The following KHDRBS2 variants were observed in gnomAD, a reference collection of about 807,000 sequenced individuals.
KHDRBS2 encodes the protein KH RNA binding domain containing, signal transduction associated 2, also known as KH domain-containing, RNA-binding, signal transduction-associated protein 2.
Under a neutral mutation model 44.3 loss-of-function variants are expected in KHDRBS2, and 26 were observed. The ratio of observed to expected loss-of-function variants is 0.59; its 90% CI spans 0.43 to 0.81. KHDRBS2 has a LOEUF of 0.81. Among genes scored for constraint, KHDRBS2 ranks in the 40% least tolerant of loss-of-function variants. KHDRBS2 has a pLI of 0.00. For missense variants in KHDRBS2, 476 were observed against 433.1 expected, an observed-to-expected ratio of 1.10 and a Z score of -0.88; for synonymous variants, 194 against 151.1, an observed-to-expected ratio of 1.28 and a Z score of -2.08.
chr6:62,249,493 A>C (rs1836165596), intron 1 of KHDRBS2, among the ~76,000 whole-genome samples: 1 of 152,088 alleles, frequency 6.6e-6, no homozygotes, highest in Non-Finnish European at 1.5e-5. Flanking sequence ...ATAATTATAT[A>C]GTTAAAGCCT....
chr6:62,122,435 A>T lies in KHDRBS2; in HGVS notation c.219+54750T>A, dbSNP rs141082457. Among the ~76,000 whole-genome samples, 97 of 152,230 alleles carry T rather than the reference A, an allele frequency of 6.4e-4. 1 individual carries two copies. In the East Asian group the frequency reaches 0.018, roughly 28 times the overall value. On this transcript the variant is annotated intron_variant, in intron 2 of 8. Transcript: ENST00000281156. ...GTGCTTTCTGACCTATCTAACCATAAAGTTGGGCTTGTGCAGCAGCATTCC... is the reference window on the plus strand; with the variant it reads ...GTGCTTTCTGACCTATCTAACCATATAGTTGGGCTTGTGCAGCAGCATTCC...
intron 3 of KHDRBS2, among the ~76,000 whole-genome samples, chr6:62,044,151 A>G (rs1787156430): frequency 6.6e-6 from 1 of 151,970 alleles, no homozygotes; most frequent in Non-Finnish European, 1.5e-5. Context: ...CATACTTTGT[A>G]TGTCTTATGT....
chr6:62,174,786 G>A (rs990175233), intron 2 of KHDRBS2, among the ~76,000 whole-genome samples: 57 of 151,850 alleles, frequency 3.8e-4, no homozygotes, highest in African/African-American at 1.3e-3. Flanking sequence ...TATAAAAGAA[G>A]TCTTTCACCA....
At chr6:61,703,434 ATATC>A (rs1768999296) in intron 7 of KHDRBS2, among the ~76,000 whole-genome samples, 1 of 151,844 alleles carries the variant, frequency 6.6e-6, no homozygotes, top group Admixed American at 6.6e-5. Flanking sequence ...TGAGGGATAT[ATATC>A]TAACTATTTT....
Position 61,709,987 on chromosome 6 carries a change from T to A in KHDRBS2, c.894-12734A>T, listed in dbSNP as rs546362974. On this transcript the variant is annotated intron_variant, in intron 7 of 8. Transcript: ENST00000281156. ...GTGCAAGCTGCACTACAGCTGTGTG[T>A]TAATAGTGATTTATATTCTTCCTCA... 2.0e-5 allele frequency among the ~76,000 whole-genome samples: 3 copies of A among 151,814 alleles called. No homozygotes were observed. The South Asian group carries it at 6.2e-4, about 32-fold the overall frequency.
intron 6 of KHDRBS2, among the ~76,000 whole-genome samples, chr6:61,861,036 G>A (rs1464438290): frequency 6.6e-6 from 1 of 151,774 alleles, no homozygotes; most frequent in African/African-American, 2.4e-5. Flanking sequence ...CATATATTCA[G>A]GTCCTTTGCC....
the KHDRBS2 span, among the ~76,000 whole-genome samples, chr6:61,598,609 A>G: frequency 6.6e-6 from 1 of 152,202 alleles, no homozygotes; most frequent in African/African-American, 2.4e-5. Flanking sequence ...AATAGTCAAG[A>G]GTTATACAAA....
At chr6:62,074,338 C>T (rs1201263747) in intron 2 of KHDRBS2, among the ~76,000 whole-genome samples, 2 of 151,854 alleles carry the variant, frequency 1.3e-5, no homozygotes, top group African/African-American at 2.4e-5. Context: ...CAGCACCATT[C>T]CTGCATGTCT....
intron 4 of KHDRBS2, among the ~76,000 whole-genome samples, chr6:61,950,680 G>A (rs1764558211): frequency 6.6e-6 from 1 of 151,946 alleles, no homozygotes; most frequent in Admixed American, 6.6e-5. Flanking sequence ...ATAAAACGAG[G>A]TATCTCCTGA....
rs568492942 is a variant in KHDRBS2 at position 62,063,365 on chromosome 6, A to T, written c.220-15371T>A. On this transcript the variant is annotated intron_variant, in intron 2 of 8. Transcript: ENST00000281156. ...AGACCAATATCCTTGATGAACATTGATGCAAAAATCCTCAATAAAATACTG... is the reference window on the plus strand; with the variant it reads ...AGACCAATATCCTTGATGAACATTGTTGCAAAAATCCTCAATAAAATACTG... Among the ~76,000 whole-genome samples, 321 of 151,682 alleles carry T rather than the reference A, an allele frequency of 2.1e-3. 1 individual carries two copies. The highest frequency in any genetic ancestry group is 7.3e-3 in the African/African-American group (303 of 41,404).
At chr6:61,780,274 G>A (rs528434858) in intron 6 of KHDRBS2, among the ~76,000 whole-genome samples, 36 of 152,290 alleles carry the variant, frequency 2.4e-4, no homozygotes, top group African/African-American at 7.9e-4. Flanking sequence ...ACCAAAGCAG[G>A]TGGTTCACTT....
intron 6 of KHDRBS2, among the ~76,000 whole-genome samples, chr6:61,801,446 A>C (rs1786256473): frequency 6.6e-6 from 1 of 152,178 alleles, no homozygotes; most frequent in African/African-American, 2.4e-5. Context: ...ATTAAGTAAA[A>C]TTTAAGAAAA....
At chr6:61,934,935 A>G (rs1446024368) in intron 4 of KHDRBS2, among the ~76,000 whole-genome samples, 3 of 152,182 alleles carry the variant, frequency 2.0e-5, no homozygotes, top group African/African-American at 7.2e-5. Context: ...CATCATTGCT[A>G]CTAAGTATGG....
rs550414969 is a variant in KHDRBS2 at position 62,275,155 on chromosome 6, T to C, written c.91+10703A>G. 1.2e-3 allele frequency among the ~76,000 whole-genome samples: 188 copies of C among 152,300 alleles called. 1 individual carries two copies. The highest frequency in any genetic ancestry group is 4.4e-3 in the African/African-American group (181 of 41,574). On this transcript the variant is annotated intron_variant, in intron 1 of 8. Coordinates refer to ENST00000281156, the MANE Select transcript of KHDRBS2 (RefSeq NM_152688.4). ...TTTTAATTATCATAATGTTTTATTC[T>C]AACAGATTTTCCCTATGTAGAGATG...
chr6:61,957,533 A>G (rs1414013836), intron 4 of KHDRBS2, among the ~76,000 whole-genome samples: 2 of 152,150 alleles, frequency 1.3e-5, no homozygotes, highest in African/African-American at 4.8e-5. Flanking sequence ...TTACGGTCAT[A>G]GCTGTGGGAC....
intron 2 of KHDRBS2, among the ~76,000 whole-genome samples, chr6:62,110,660 C>T (rs1804788803): frequency 6.6e-6 from 1 of 151,998 alleles, no homozygotes; most frequent in South Asian, 2.1e-4. Flanking sequence ...TTTGAGGATA[C>T]ACAAATTTAT....
intron 6 of KHDRBS2, among the ~76,000 whole-genome samples, chr6:61,848,553 A>G (rs9445501): frequency 0.024 from 721 of 29,884 alleles, 32 homozygotes; most frequent in African/African-American, 0.09. Context: ...ATATATATAC[A>G]TATATATATG....
intron 4 of KHDRBS2, among the ~76,000 whole-genome samples, chr6:61,919,876 T>G (rs886500651): frequency 6.6e-6 from 1 of 151,698 alleles, no homozygotes; most frequent in African/African-American, 2.4e-5. Context: ...CTCTTAACAC[T>G]AAATGTTTCA....
At chr6:61,870,526 T>C (rs1256553312) in intron 6 of KHDRBS2, among the ~76,000 whole-genome samples, 3 of 151,916 alleles carry the variant, frequency 2.0e-5, no homozygotes, top group Non-Finnish European at 4.4e-5. Flanking sequence ...CCTCCCAGCA[T>C]AGTGTCAGAC....
Sources: gnomAD v4.1 joint callset for allele counts (sites outside exome capture counted in the v4.1 genomes callset) on GRCh38, gnomAD v4.1.1 for gene constraint, MANE v1.5 for transcripts, NCBI Gene and HGNC (gene_info 2026-07-23, HGNC 2026-07-21) for gene names.